ARID5B: variants seen among roughly 807,000 people sequenced by gnomAD.
The protein encoded by ARID5B is AT-rich interaction domain 5B.
Under a neutral mutation model 97.2 loss-of-function variants are expected in ARID5B, and 13 were observed. The ratio of observed to expected loss-of-function variants is 0.13; its 90% confidence interval spans 0.09 to 0.21. The LOEUF (loss-of-function observed/expected upper bound fraction) is 0.21. Among genes scored for constraint, ARID5B ranks in the 10% least tolerant of loss-of-function variants. The probability of loss-of-function intolerance (pLI) is 1.00; values close to 1 mark genes in which losing one functional copy is unlikely to be tolerated. For missense variants in ARID5B, 1,210 were observed against 1,465.3 expected (o/e 0.83, Z 2.84); for synonymous variants, 556 against 570.3 (o/e 0.97, Z 0.36).
At chr10:61,922,923 G>A (rs561203409) in intron 2 of ARID5B, among the ~76,000 whole-genome samples, 1 of 152,226 alleles carries the variant, frequency 6.6e-6, no homozygotes, top group Admixed American at 6.5e-5. Flanking sequence ...ACATATGTAG[G>A]CATTAGAGCT....
At chr10:61,983,350 G>T (rs942527341) in intron 3 of ARID5B, among the ~76,000 whole-genome samples, 2 of 152,158 alleles carry the variant, frequency 1.3e-5, no homozygotes, top group African/African-American at 4.8e-5. Context: ...AAAGAGTAGT[G>T]ATTTTCTTAA....
intron 2 of ARID5B, among the ~76,000 whole-genome samples, chr10:61,925,729 G>A (rs1844092812): frequency 1.3e-5 from 2 of 152,208 alleles, no homozygotes; most frequent in Non-Finnish European, 2.9e-5. Flanking sequence ...TCTGGAGATG[G>A]TCAGGGGAGC....
intron 4 of ARID5B, among the ~76,000 whole-genome samples, chr10:62,044,375 C>CT (rs10586947): frequency 3.2e-4 from 41 of 129,402 alleles, no homozygotes; most frequent in African/African-American, 1.0e-3. Context: ...TTCATTTGCT[C>CT]TTTTTTTTTT....
At chr10:61,967,029 T>C (rs1236798722) in intron 3 of ARID5B, among the ~76,000 whole-genome samples, 1 of 152,160 alleles carries the variant, frequency 6.6e-6, no homozygotes. Flanking sequence ...CGGGCCTTTT[T>C]TTCCCCCAGA....
chr10:62,017,383 C>T (rs1034340245), intron 4 of ARID5B, among the ~76,000 whole-genome samples: 6 of 151,448 alleles, frequency 4.0e-5, no homozygotes, highest in Non-Finnish European at 7.4e-5. Context: ...ATCTGGGCAT[C>T]GGAGACTGCA....
chr10:61,957,768 A>C (rs192128531), intron 3 of ARID5B, among the ~76,000 whole-genome samples: 9 of 152,348 alleles, frequency 5.9e-5, no homozygotes, highest in Admixed American at 2.6e-4. Flanking sequence ...CCTTTTAAGA[A>C]ATTTTAATGA....
chr10:62,032,048 C>T (rs1321903676), intron 4 of ARID5B, among the ~76,000 whole-genome samples: 1 of 152,068 alleles, frequency 6.6e-6, no homozygotes, highest in East Asian at 1.9e-4. Context: ...AAAATGTAGC[C>T]GGGCGCAGTG....
chr10:62,059,603 T>G (rs1047678146), intron 7 of ARID5B, among the ~76,000 whole-genome samples: 4 of 152,200 alleles, frequency 2.6e-5, no homozygotes, highest in African/African-American at 4.8e-5. Flanking sequence ...CAAGCCAAGA[T>G]TGCATAAAAG....
chr10:61,921,361 A>T (rs1844011429), intron 2 of ARID5B, among the ~76,000 whole-genome samples: 1 of 152,072 alleles, frequency 6.6e-6, no homozygotes, highest in Non-Finnish European at 1.5e-5. Flanking sequence ...TAGAGGGAGG[A>T]TCTATTAATA....
intron 8 of ARID5B, among the ~76,000 whole-genome samples, chr10:62,075,672 G>A (rs980117592): frequency 2.0e-5 from 3 of 152,222 alleles, no homozygotes; most frequent in Admixed American, 6.5e-5. Context: ...GCCTCAGAGC[G>A]TCAGTAATGG....
At chr10:61,916,700 C>T (rs937718373) in intron 2 of ARID5B, among the ~76,000 whole-genome samples, 1 of 152,104 alleles carries the variant, frequency 6.6e-6, no homozygotes, top group African/African-American at 2.4e-5. Flanking sequence ...AAACATTGTG[C>T]TGTCCTGTTT....
rs1156438410 is a variant in ARID5B, at chr10:61,902,182, G to A, written c.45G>A (p.Leu15=). 6.2e-7 allele frequency: 1 copy of A among 1,612,830 alleles called. No homozygotes were observed. The highest frequency in any genetic ancestry group is 1.3e-5 in the African/African-American group (1 of 74,830). Residue 15 remains leucine (L), a synonymous_variant, in exon 2 of 10, where the codon TTG becomes TTA. Transcript: ENST00000279873. ...AGTGGGTCGGCTCACCGTGTGGCTT[G>A]CACGGACCTTACATTTTCTACAAGG... ...SLQWVGSPCG[L]HGPYIFYKAF...
chr10:62,009,332 C>T (rs1839187463), intron 4 of ARID5B, among the ~76,000 whole-genome samples: 1 of 152,158 alleles, frequency 6.6e-6, no homozygotes, highest in Non-Finnish European at 1.5e-5. Context: ...TCCTTGAGTG[C>T]TTATACATTC....
rs375622493 is a variant in ARID5B at position 62,092,253 on chromosome 10, G to A, written c.2790G>A (p.Gly930=). 41 of 1,607,790 alleles carry A rather than the reference G, an allele frequency of 2.6e-5. No homozygotes were observed. The African/African-American group carries it at 4.8e-4, about 19-fold the overall frequency. ...TGGGCCTGGCTCATTCCACCACAGG[G>A]CCCCAGGAGAGCAAAGGCATCTCCC... is the stretch of plus-strand genomic sequence containing the variant. ...KVLGLAHSTT[G]PQESKGISQF... Residue 930 remains glycine (G), a synonymous_variant, in exon 10 of 10, where the codon GGG becomes GGA. Transcript: ENST00000279873.
At chr10:62,009,672 G>A (rs1375613224) in intron 4 of ARID5B, among the ~76,000 whole-genome samples, 1 of 152,170 alleles carries the variant, frequency 6.6e-6, no homozygotes, top group Non-Finnish European at 1.5e-5. Flanking sequence ...CTAAGAGTCA[G>A]GAGTTATTTT....
chr10:62,033,895 A>G (rs2132908492), intron 4 of ARID5B, among the ~76,000 whole-genome samples: 1 of 152,320 alleles, frequency 6.6e-6, no homozygotes, highest in South Asian at 2.1e-4. Context: ...TGCCTTATGT[A>G]TAAAGTGAAT....
intron 3 of ARID5B, 124 bp downstream of exon 3, chr10:61,940,532 G>C: frequency 1.2e-6 from 1 of 850,502 alleles, no homozygotes; most frequent in Non-Finnish European, 1.8e-6. Context: ...TAACCTCAAA[G>C]GGTCCTAAGA....
At chr10:61,947,109 C>T (rs1035243826) in intron 3 of ARID5B, among the ~76,000 whole-genome samples, 8 of 152,108 alleles carry the variant, frequency 5.3e-5, no homozygotes, top group African/African-American at 1.9e-4. Context: ...GGAGGAGATA[C>T]TCTCCAAGTA....
intron 8 of ARID5B, among the ~76,000 whole-genome samples, chr10:62,071,071 C>T (rs1236311381): frequency 7.9e-6 from 1 of 126,006 alleles, no homozygotes; most frequent in Non-Finnish European, 1.6e-5. Flanking sequence ...GAGTCTTCCT[C>T]TGTCACCAGG....
Sources: gnomAD v4.1 joint callset for allele counts (sites outside exome capture counted in the v4.1 genomes callset) on GRCh38, gnomAD v4.1.1 for gene constraint, MANE v1.5 for transcripts, NCBI Gene and HGNC (gene_info 2026-07-23, HGNC 2026-07-21) for gene names.